Variants in TMEM196 observed in about 807,000 individuals in gnomAD.
The protein encoded by TMEM196 is transmembrane protein 196.
TMEM196 carries 17 observed loss-of-function variants against 20.0 expected under a neutral mutation model. That is an observed-to-expected ratio of 0.85 (90% CI 0.58 to 1.27). The LOEUF (loss-of-function observed/expected upper bound fraction) is 1.27. Ranked by LOEUF, TMEM196 falls within the 50% of genes most tolerant of loss-of-function variation. The pLI is 0.00. For synonymous variants in TMEM196, 113 were observed against 88.9 expected (o/e 1.27, Z -1.52); for missense variants, 267 against 223.0 (o/e 1.20, Z -1.26).
At chr7:19,751,788 C>G (rs997819272) in intron 1 of TMEM196, among the ~76,000 whole-genome samples, 41 of 152,266 alleles carry the variant, frequency 2.7e-4, no homozygotes, top group African/African-American at 9.6e-4. Flanking sequence ...TTTACAGGAT[C>G]TTCCCTTGTA....
At chr7:19,740,969 C>G (rs928725059) in intron 1 of TMEM196, among the ~76,000 whole-genome samples, 1 of 152,138 alleles carries the variant, frequency 6.6e-6, no homozygotes, top group Non-Finnish European at 1.5e-5. Context: ...CCTCCACCTT[C>G]AATAACTAAC....
chr7:19,748,780 G>A (rs12666488), intron 1 of TMEM196, among the ~76,000 whole-genome samples: 23,425 of 152,102 alleles, frequency 0.15, 2,193 homozygotes, highest in East Asian at 0.42. Flanking sequence ...AATGAGATAA[G>A]GCAGAAAGTT....
At chr7:19,724,229 T>G in intron 4 of TMEM196, 51 bp downstream of exon 4, 6 of 1,479,374 alleles carry the variant, frequency 4.1e-6, no homozygotes, top group Non-Finnish European at 5.5e-6. Context: ...GAAGGGGAAG[T>G]GCTTTCTGCA....
intron 1 of TMEM196, among the ~76,000 whole-genome samples, chr7:19,756,844 T>A (rs190520339): frequency 6.6e-6 from 1 of 152,236 alleles, no homozygotes; most frequent in Admixed American, 6.5e-5. Flanking sequence ...ATCCAGTCTA[T>A]CACTGATGGG....
At chr7:19,743,529 T>G (rs897307137) in intron 1 of TMEM196, among the ~76,000 whole-genome samples, 8 of 152,184 alleles carry the variant, frequency 5.3e-5, no homozygotes, top group Non-Finnish European at 1.0e-4. Flanking sequence ...AGTATGATTT[T>G]CTTCCTGAAT....
intron 1 of TMEM196, among the ~76,000 whole-genome samples, chr7:19,769,355 A>G (rs749061583): frequency 1.3e-5 from 2 of 152,012 alleles, no homozygotes; most frequent in Non-Finnish European, 2.9e-5. Flanking sequence ...TGAGAAAGTA[A>G]TTCTGTCACC....
At chr7:19,763,025 A>G (rs1310863995) in intron 1 of TMEM196, among the ~76,000 whole-genome samples, 1 of 152,188 alleles carries the variant, frequency 6.6e-6, no homozygotes, top group Non-Finnish European at 1.5e-5. Flanking sequence ...GACAATTACC[A>G]ACTTTTTCCT....
At chr7:19,756,672 G>T (rs573106958) in intron 1 of TMEM196, among the ~76,000 whole-genome samples, 54 of 150,770 alleles carry the variant, frequency 3.6e-4, no homozygotes, top group African/African-American at 1.2e-3. Flanking sequence ...AAAGACATTA[G>T]CTCACTTATA....
chr7:19,725,572 C>T lies in TMEM196; in HGVS notation c.401G>A (p.Arg134Lys), dbSNP rs2128012727. Residue 134 changes from arginine to lysine, a missense_variant, in exon 3 of 5, where the codon AGG (arginine) becomes AAG (lysine). Coordinates refer to ENST00000405844, the MANE Select transcript of TMEM196 (RefSeq NM_001363562.2). ...ATGCTCCCTTTCTGAGAACATCCTC[C>T]TCTGTTCATAACTGGCTAGTCGACA... Reference protein sequence around the residue: ...LTCRLASYEQRRMFSEREHSL... With the variant: ...LTCRLASYEQKRMFSEREHSL... 2 of 1,614,002 alleles carry T rather than the reference C, an allele frequency of 1.2e-6. No individual in the cohort carries two copies. Among genetic ancestry groups the T allele is most frequent in the Non-Finnish European group, 1.7e-6 (2 of 1,179,932 alleles).
At chr7:19,727,070 C>G (rs193080813) in intron 2 of TMEM196, among the ~76,000 whole-genome samples, 1 of 152,276 alleles carries the variant, frequency 6.6e-6, no homozygotes, top group East Asian at 1.9e-4. Context: ...CTCACTTTAA[C>G]ATTTAATTTT....
intron 1 of TMEM196, among the ~76,000 whole-genome samples, chr7:19,756,750 C>A (rs998202714): frequency 1.3e-5 from 2 of 152,126 alleles, no homozygotes; most frequent in African/African-American, 4.8e-5. Context: ...GCCTCTAGCT[C>A]CATCCATGTC....
intron 4 of TMEM196, among the ~76,000 whole-genome samples, chr7:19,723,274 C>T (rs1295632389): frequency 2.6e-5 from 4 of 151,912 alleles, no homozygotes; most frequent in Non-Finnish European, 2.9e-5. Flanking sequence ...ACCCCCCACC[C>T]CCAATGATCT....
intron 1 of TMEM196, among the ~76,000 whole-genome samples, chr7:19,751,514 C>G (rs981019629): frequency 2.6e-5 from 4 of 152,206 alleles, no homozygotes; most frequent in African/African-American, 9.7e-5. Context: ...TAATTAAAGT[C>G]TCTGACTCTC....
chr7:19,742,514 G>A (rs1784615334), intron 1 of TMEM196, among the ~76,000 whole-genome samples: 1 of 152,066 alleles, frequency 6.6e-6, no homozygotes, highest in Admixed American at 6.6e-5. Flanking sequence ...TGAAAGTAAA[G>A]AGACATCGCT....
At chr7:19,749,703 C>G (rs74623084) in intron 1 of TMEM196, among the ~76,000 whole-genome samples, 162 of 152,294 alleles carry the variant, frequency 1.1e-3, no homozygotes, top group African/African-American at 3.8e-3. Context: ...TTAACAACTT[C>G]TCCAGATTTT....
chr7:19,733,771 C>T (rs181730009), intron 1 of TMEM196, among the ~76,000 whole-genome samples: 14 of 152,126 alleles, frequency 9.2e-5, no homozygotes, highest in East Asian at 1.9e-4. Flanking sequence ...AGGAGCCTCT[C>T]GCCCAAGATC....
chr7:19,750,198 C>T (rs76458120), intron 1 of TMEM196, among the ~76,000 whole-genome samples: 3,679 of 152,228 alleles, frequency 0.024, 68 homozygotes, highest in Middle Eastern at 0.065. Context: ...CAAAACTTCC[C>T]ATTCCTCTAA....
intron 1 of TMEM196, among the ~76,000 whole-genome samples, chr7:19,771,847 C>A (rs1583468582): frequency 6.6e-6 from 1 of 152,246 alleles, no homozygotes; most frequent in East Asian, 1.9e-4. Context: ...ACTCTGTAAG[C>A]AGAATTATTC....
Position 19,722,045 on chromosome 7 carries a change from T to C in TMEM196, c.*83A>G. On this transcript the variant is annotated 3_prime_UTR_variant, in exon 5 of 5. Coordinates refer to ENST00000405844, the MANE Select transcript of TMEM196 (RefSeq NM_001363562.2). ...GTGTCTCATTGCCTCATGAAAATCC[T>C]AAAAAGTGTTCAATTCTTTAAAACA... The C allele has an allele frequency of 6.3e-7, 1 of 1,595,306 alleles. No individual in the cohort carries two copies. The highest frequency in any genetic ancestry group is 8.6e-7 in the Non-Finnish European group (1 of 1,167,094).
Sources: gnomAD v4.1 joint callset for allele counts (sites outside exome capture counted in the v4.1 genomes callset) on GRCh38, gnomAD v4.1.1 for gene constraint, MANE v1.5 for transcripts, NCBI Gene and HGNC (gene_info 2026-07-23, HGNC 2026-07-21) for gene names.